The following SDK1 variants were observed in gnomAD, a reference collection of about 807,000 sequenced individuals.
SDK1 encodes sidekick cell adhesion molecule 1.
In SDK1, 157 loss-of-function variants were observed where a neutral mutation model predicts 245.5. The ratio of observed to expected loss-of-function variants is 0.64; its 90% CI spans 0.56 to 0.73. The LOEUF is 0.73. Among genes scored for constraint, SDK1 ranks in the 30% least tolerant of loss-of-function variants. The pLI is 0.00. For synonymous variants in SDK1, 1,647 were observed against 1,278.5 expected, an observed-to-expected ratio of 1.29 and a Z score of -6.15; for missense variants, 3,583 against 3,002.3, an observed-to-expected ratio of 1.19 and a Z score of -4.52.
At position 4,267,697 on chromosome 7, in the gene SDK1, T is replaced by A. The variant is rs1261948948; in HGVS notation, c.*2313T>A. ...GTTGAGGATGAGCAGATTCGAGATATGTTTGTTGCTCTCGGGTTTTCGATA... is the reference window on the plus strand; with the variant it reads ...GTTGAGGATGAGCAGATTCGAGATAAGTTTGTTGCTCTCGGGTTTTCGATA... On this transcript the variant is annotated 3_prime_UTR_variant, in exon 45 of 45. Transcript: ENST00000404826. 1.0e-6 allele frequency: 1 copy of A among 985,362 alleles called. No homozygotes were observed. The highest frequency in any genetic ancestry group is 4.7e-5 in the South Asian group (1 of 21,294). 61.0% of individuals were successfully genotyped at this position (985,362 alleles called of 1,614,324 possible).
At chr7:3,771,001 T>A (rs373917651) in intron 4 of SDK1, among the ~76,000 whole-genome samples, 11 of 152,250 alleles carry the variant, frequency 7.2e-5, no homozygotes, top group African/African-American at 2.6e-4. Context: ...GCCTCTGAAT[T>A]GGCTGGGTGT....
chr7:3,728,526 C>G (rs538507663), intron 4 of SDK1, among the ~76,000 whole-genome samples: 1 of 152,350 alleles, frequency 6.6e-6, no homozygotes, highest in South Asian at 2.1e-4. Context: ...CCCAGCATTT[C>G]TTTCTGGTCA....
chr7:3,419,189 T>C (rs528063810), intron 1 of SDK1, among the ~76,000 whole-genome samples: 1 of 152,348 alleles, frequency 6.6e-6, no homozygotes, highest in South Asian at 2.1e-4. Context: ...CTGTAAGGAA[T>C]CAGTCCTTTT....
chr7:3,505,569 A>G (rs1034150502), intron 1 of SDK1, among the ~76,000 whole-genome samples: 3 of 152,186 alleles, frequency 2.0e-5, no homozygotes, highest in Admixed American at 6.5e-5. Context: ...ATCTTAATAT[A>G]TCTCTTCACA....
intron 4 of SDK1, among the ~76,000 whole-genome samples, chr7:3,737,636 G>C (rs557062425): frequency 2.8e-4 from 43 of 152,276 alleles, no homozygotes; most frequent in African/African-American, 1.0e-3. Flanking sequence ...CAGGGATTTG[G>C]TGCCACCACT....
intron 1 of SDK1, chr7:3,338,386 C>T: frequency 1.9e-6 from 1 of 528,648 alleles, no homozygotes; most frequent in South Asian, 1.6e-5. Flanking sequence ...GCCAAGAGAA[C>T]TAATGTGCGT....
At chr7:4,191,699 G>C (rs946697538) in intron 35 of SDK1, among the ~76,000 whole-genome samples, 1 of 152,252 alleles carries the variant, frequency 6.6e-6, no homozygotes, top group African/African-American at 2.4e-5. Flanking sequence ...GACCTTCTCT[G>C]GGGTTGAGTC....
At chr7:3,502,363 C>A (rs775504843) in intron 1 of SDK1, among the ~76,000 whole-genome samples, 6 of 152,118 alleles carry the variant, frequency 3.9e-5, no homozygotes, top group Non-Finnish European at 8.8e-5. Flanking sequence ...TATTCTCTTG[C>A]CTCAGCCTCC....
At chr7:3,753,871 A>G (rs772131384) in intron 4 of SDK1, among the ~76,000 whole-genome samples, 3 of 152,180 alleles carry the variant, frequency 2.0e-5, no homozygotes, top group African/African-American at 7.2e-5. Flanking sequence ...TTTTTACTGT[A>G]TTTGATAAAA....
chr7:3,938,585 G>T (rs984465629), intron 5 of SDK1, among the ~76,000 whole-genome samples: 2 of 149,878 alleles, frequency 1.3e-5, no homozygotes, highest in South Asian at 2.1e-4. Context: ...GGCGGAGCTT[G>T]CAGTGAGCCA....
intron 1 of SDK1, among the ~76,000 whole-genome samples, chr7:3,323,267 A>C (rs1221295312): frequency 6.6e-6 from 1 of 152,180 alleles, no homozygotes; most frequent in East Asian, 1.9e-4. Flanking sequence ...CATTCCCTGC[A>C]TCCGGCACAG....
In SDK1 at chr7:4,178,510, A is replaced by G. The variant is rs144032135; in HGVS notation, c.5022A>G (p.Glu1674=). Residue 1674 remains glutamate, a synonymous_variant, in exon 35 of 45, where the codon GAA becomes GAG. Coordinates refer to ENST00000404826, the MANE Select transcript of SDK1 (RefSeq NM_152744.4). ...LTHLKKYRRY[E]VIMTAYNIIG... is the part of the protein sequence containing the mutation. ...ATTTAAAGAAGTACCGGCGCTATGA[A>G]GTAATAATGACCGCCTATAACATCA... 6.2e-7 allele frequency: 1 copy of G among 1,613,808 alleles called. No homozygotes were observed. The highest frequency in any genetic ancestry group is 1.3e-5 in the African/African-American group (1 of 74,932).
At chr7:3,479,557 A>G (rs1306809414) in intron 1 of SDK1, among the ~76,000 whole-genome samples, 1 of 151,782 alleles carries the variant, frequency 6.6e-6, no homozygotes, top group Non-Finnish European at 1.5e-5. Context: ...GCAATTAGTG[A>G]GATATGTTAA....
intron 25 of SDK1, among the ~76,000 whole-genome samples, chr7:4,125,589 C>A (rs1467546120): frequency 3.3e-5 from 5 of 152,136 alleles, no homozygotes; most frequent in Non-Finnish European, 7.4e-5. Flanking sequence ...AGTGTTCCTG[C>A]TACAGAGGTG....
intron 5 of SDK1, among the ~76,000 whole-genome samples, chr7:3,850,391 C>A (rs932973660): frequency 2.0e-5 from 3 of 152,086 alleles, no homozygotes; most frequent in Non-Finnish European, 4.4e-5. Context: ...AAATAAGATG[C>A]CTTTTACACT....
At chr7:3,847,575 T>A (rs1780311466) in intron 5 of SDK1, among the ~76,000 whole-genome samples, 1 of 152,250 alleles carries the variant, frequency 6.6e-6, no homozygotes. Context: ...CTTCTCACGC[T>A]GGTCTTTGTT....
intron 1 of SDK1, among the ~76,000 whole-genome samples, chr7:3,350,521 T>G (rs879014201): frequency 2.0e-5 from 3 of 152,240 alleles, no homozygotes; most frequent in Non-Finnish European, 2.9e-5. Context: ...TGTTGTAAAT[T>G]AATAATACTG....
At position 3,696,000 on chromosome 7, in the gene SDK1, C is replaced by T. The variant is rs575648370; in HGVS notation, c.713+53895C>T. On this transcript the variant is annotated intron_variant, in intron 4 of 44. Transcript: ENST00000404826. ...ATCTTCTTTTTTGCTTTCCTCCCAC[C>T]GTTCTTCCCTGTTTCCTCCTTCGTT... is the stretch of plus-strand genomic sequence containing the variant. Among the ~76,000 whole-genome samples the T allele has an allele frequency of 3.9e-5, 6 of 152,256 alleles. No homozygotes were observed. In the East Asian group the frequency reaches 7.7e-4, roughly 20 times the overall value.
Position 3,718,068 on chromosome 7 carries a change from C to A in SDK1, c.713+75963C>A, listed in dbSNP as rs78079620. Among the ~76,000 whole-genome samples the A allele has an allele frequency of 6.1e-3, 926 of 152,138 alleles. 12 individuals carry two copies. The highest frequency in any genetic ancestry group is 0.021 in the African/African-American group (890 of 41,522). On this transcript the variant is annotated intron_variant, in intron 4 of 44. Coordinates refer to ENST00000404826, the MANE Select transcript of SDK1 (RefSeq NM_152744.4). ...GCAAAGTACAGGAAGAATTAGACAC[C>A]GTAACCAAGTGGGTGTTATTCCAGG...
Sources: gnomAD v4.1 joint callset for allele counts (sites outside exome capture counted in the v4.1 genomes callset) on GRCh38, gnomAD v4.1.1 for gene constraint, MANE v1.5 for transcripts, NCBI Gene and HGNC (gene_info 2026-07-23, HGNC 2026-07-21) for gene names.